The following BMP6 variants were observed in gnomAD, a reference collection of about 807,000 sequenced individuals.
BMP6 encodes the protein bone morphogenetic protein 6.
Under a neutral mutation model 54.1 loss-of-function variants are expected in BMP6, and 17 were observed. The observed-to-expected ratio is 0.31, with a 90% CI of 0.22 to 0.47. BMP6 has a LOEUF of 0.47. Among genes scored for constraint, BMP6 ranks in the 20% least tolerant of loss-of-function variants. The probability of loss-of-function intolerance (pLI) is 1.00; values close to 1 mark genes in which losing one functional copy is unlikely to be tolerated. For missense variants in BMP6, 720 were observed against 690.4 expected (o/e 1.04, Z -0.48); for synonymous variants, 328 against 291.2 (o/e 1.13, Z -1.28).
intron 1 of BMP6, among the ~76,000 whole-genome samples, chr6:7,750,397 G>T (rs1045750432): frequency 6.6e-6 from 1 of 152,202 alleles, no homozygotes; most frequent in African/African-American, 2.4e-5. Flanking sequence ...GATAAGGGCA[G>T]GATGAGGAAG....
At chr6:7,876,712 T>C (rs569617967) in intron 4 of BMP6, among the ~76,000 whole-genome samples, 2 of 152,362 alleles carry the variant, frequency 1.3e-5, no homozygotes, top group East Asian at 3.9e-4. Context: ...ATCTGATCTT[T>C]AGTTATATCT....
At chr6:7,736,182 T>G (rs1468353177) in intron 1 of BMP6, among the ~76,000 whole-genome samples, 2 of 152,224 alleles carry the variant, frequency 1.3e-5, no homozygotes, top group Non-Finnish European at 2.9e-5. Flanking sequence ...TCCGCATAGT[T>G]TGACTGAGGT....
intron 1 of BMP6, among the ~76,000 whole-genome samples, chr6:7,766,441 C>T (rs774389513): frequency 2.6e-5 from 4 of 151,978 alleles, no homozygotes; most frequent in Non-Finnish European, 5.9e-5. Context: ...TAGTGGGACC[C>T]TGTCTCTACA....
intron 1 of BMP6, among the ~76,000 whole-genome samples, chr6:7,780,809 C>T (rs1044121430): frequency 2.4e-5 from 3 of 127,188 alleles, no homozygotes; most frequent in Non-Finnish European, 3.5e-5. Context: ...TCTCGGGGCT[C>T]AAGCCATCCT....
chr6:7,812,592 CAT>C (rs1432487823), intron 1 of BMP6, among the ~76,000 whole-genome samples: 1 of 152,078 alleles, frequency 6.6e-6, no homozygotes, highest in Non-Finnish European at 1.5e-5. Context: ...CAAAATTAAA[CAT>C]ATACACATTA....
intron 1 of BMP6, among the ~76,000 whole-genome samples, chr6:7,827,431 A>G (rs1276368097): frequency 1.3e-5 from 2 of 152,252 alleles, no homozygotes; most frequent in African/African-American, 4.8e-5. Context: ...GTTTTGAATT[A>G]GAGGAGGGAG....
At position 7,727,340 on chromosome 6, in the gene BMP6, C is replaced by T. The variant is rs187155245; in HGVS notation, c.385C>T (p.Leu129=). ...TCGCGGAGAGCCCCCTCCCGGGCGA[C>T]TGAAGTCCGCGCCCCTCTTCATGCT... The part of the protein sequence containing the change: ...LPRGEPPPGR[L]KSAPLFMLDL... The change falls in exon 1 of 7, where the codon CTG becomes TTG. Residue 129 remains leucine, a synonymous_variant. Transcript: ENST00000283147. 251 of 1,609,854 alleles carry T rather than the reference C, an allele frequency of 1.6e-4. 1 individual carries two copies. The East Asian group carries it at 3.0e-3, about 19-fold the overall frequency.
At chr6:7,772,241 C>T (rs1009873475) in intron 1 of BMP6, among the ~76,000 whole-genome samples, 4 of 152,272 alleles carry the variant, frequency 2.6e-5, no homozygotes, top group Admixed American at 6.5e-5. Context: ...CTCCAGTTAA[C>T]GAGACACCCT....
At chr6:7,744,704 T>C (rs1037267814) in intron 1 of BMP6, among the ~76,000 whole-genome samples, 1 of 152,226 alleles carries the variant, frequency 6.6e-6, no homozygotes, top group Admixed American at 6.5e-5. Flanking sequence ...GCTTGTTATC[T>C]GCCCTGAGCA....
chr6:7,813,149 A>ATATATATATATATATATATAT (rs1333428977), intron 1 of BMP6, among the ~76,000 whole-genome samples: 1 of 107,878 alleles, frequency 9.3e-6, no homozygotes, highest in African/African-American at 3.6e-5. Context: ...ATATATATAT[A>ATATATATATATATATATATAT]AAATTAGTGG....
chr6:7,846,582 A>C (rs1759067987), intron 2 of BMP6, among the ~76,000 whole-genome samples: 1 of 152,244 alleles, frequency 6.6e-6, no homozygotes, highest in Non-Finnish European at 1.5e-5. Context: ...ACATGCTGAT[A>C]GTTGTAGGTA....
intron 4 of BMP6, among the ~76,000 whole-genome samples, chr6:7,874,858 A>G (rs1232908795): frequency 3.3e-5 from 5 of 152,230 alleles, no homozygotes; most frequent in Non-Finnish European, 5.9e-5. Flanking sequence ...CTATTGAATA[A>G]TAATTTAGCT....
At chr6:7,818,266 C>T (rs1758559517) in intron 1 of BMP6, among the ~76,000 whole-genome samples, 1 of 152,030 alleles carries the variant, frequency 6.6e-6, no homozygotes. Context: ...ATGAGCGTGG[C>T]AACCTCGTGT....
At chr6:7,784,433 GTCTGAGTGTGTGTAGGCA>G (rs956926167) in intron 1 of BMP6, among the ~76,000 whole-genome samples, 1 of 142,158 alleles carries the variant, frequency 7.0e-6, no homozygotes, top group Non-Finnish European at 1.5e-5. Flanking sequence ...GTGTGTAGGC[GTCTGAGTGTGTGTAGGCA>G]TCTGAGTGTG....
intron 1 of BMP6, among the ~76,000 whole-genome samples, chr6:7,807,752 CAG>C (rs916109138): frequency 6.6e-6 from 1 of 152,058 alleles, no homozygotes; most frequent in African/African-American, 2.4e-5. Context: ...AGAAAGAAGA[CAG>C]AGCAATTCAA....
intron 1 of BMP6, among the ~76,000 whole-genome samples, chr6:7,742,724 G>A (rs1489556896): frequency 2.0e-5 from 3 of 152,188 alleles, no homozygotes; most frequent in Non-Finnish European, 4.4e-5. Flanking sequence ...CCAATCCGGA[G>A]AGCCTGCTTA....
Position 7,769,779 on chromosome 6 carries a change from G to A in BMP6, c.664+42160G>A, listed in dbSNP as rs1025945802. 2.0e-5 allele frequency among the ~76,000 whole-genome samples: 3 copies of A among 152,148 alleles called. No homozygotes were observed. The South Asian group carries it at 6.2e-4, about 32-fold the overall frequency. On this transcript the variant is annotated intron_variant, in intron 1 of 6. Coordinates refer to ENST00000283147, the MANE Select transcript of BMP6 (RefSeq NM_001718.6). ...AAAGAGGTTGATCTTGAATTTTTGA[G>A]TCCTACCGCATGTCTGCAAATGCAG...
intron 2 of BMP6, among the ~76,000 whole-genome samples, chr6:7,852,944 T>A (rs1381479117): frequency 2.0e-5 from 3 of 152,164 alleles, no homozygotes; most frequent in Non-Finnish European, 4.4e-5. Flanking sequence ...CCCCCTTTTT[T>A]TCTGGGACTT....
intron 1 of BMP6, among the ~76,000 whole-genome samples, chr6:7,792,714 T>C (rs9328445): frequency 0.58 from 87,632 of 152,082 alleles, 25,610 homozygotes; most frequent in African/African-American, 0.63. Flanking sequence ...TAACAGAGGA[T>C]GCTTGATGGC....
Sources: gnomAD v4.1 joint callset for allele counts (sites outside exome capture counted in the v4.1 genomes callset) on GRCh38, gnomAD v4.1.1 for gene constraint, MANE v1.5 for transcripts, NCBI Gene and HGNC (gene_info 2026-07-23, HGNC 2026-07-21) for gene names.